KANK4: variants seen among roughly 807,000 people sequenced by gnomAD.
The protein encoded by KANK4 is KN motif and ankyrin repeat domains 4, also known as KN motif and ankyrin repeat domain-containing protein 4.
In KANK4, 50 loss-of-function variants were observed where a neutral mutation model predicts 80.8. The ratio of observed to expected loss-of-function variants is 0.62; its 90% CI spans 0.49 to 0.78. KANK4 has a LOEUF of 0.78. Ranked by LOEUF, KANK4 falls within the 30% of genes least tolerant of loss-of-function variation. The pLI is 0.00. For missense variants in KANK4, 1,196 were observed against 1,240.1 expected (o/e 0.96, Z 0.53); for synonymous variants, 465 against 506.9 (o/e 0.92, Z 1.11).
intron 3 of KANK4, chr1:62,272,785 C>CTTTTTTTTTT (rs199937101): frequency 6.9e-6 from 1 of 145,654 alleles, no homozygotes; most frequent in African/African-American, 2.8e-5. Flanking sequence ...GTACTAAAAT[C>CTTTTTTTTTT]TTTTTTTCTT....
intron 7 of KANK4, among the ~76,000 whole-genome samples, chr1:62,262,105 A>G (rs2765243): frequency 1.9e-3 from 284 of 152,332 alleles, no homozygotes; most frequent in African/African-American, 6.6e-3. Flanking sequence ...GTTGAGTCAA[A>G]TTGGTCAAAT....
At chr1:62,249,287 T>A (rs1671550879) in intron 8 of KANK4, among the ~76,000 whole-genome samples, 1 of 152,040 alleles carries the variant, frequency 6.6e-6, no homozygotes, top group South Asian at 2.1e-4. Flanking sequence ...GATTACAAAT[T>A]GACCATCATT....
chr1:62,242,002 C>T (rs577568589), intron 9 of KANK4, among the ~76,000 whole-genome samples: 1 of 152,194 alleles, frequency 6.6e-6, no homozygotes, highest in South Asian at 2.1e-4. Flanking sequence ...GCCAGAGAGA[C>T]CACTTGGCGA....
At chr1:62,254,880 ATTTT>A (rs3066333) in intron 7 of KANK4, among the ~76,000 whole-genome samples, 18 of 65,708 alleles carry the variant, frequency 2.7e-4, no homozygotes, top group Non-Finnish European at 2.7e-4. Context: ...TAAACCTGGT[ATTTT>A]TTTTTTTTTT....
intron 1 of KANK4, among the ~76,000 whole-genome samples, chr1:62,290,112 A>G (rs185619217): frequency 6.6e-6 from 1 of 152,294 alleles, no homozygotes; most frequent in Non-Finnish European, 1.5e-5. Flanking sequence ...ATAATAGTAG[A>G]AATTCAATTA....
intron 1 of KANK4, among the ~76,000 whole-genome samples, chr1:62,302,402 C>T (rs1322715054): frequency 1.3e-5 from 2 of 152,032 alleles, no homozygotes; most frequent in Non-Finnish European, 2.9e-5. Flanking sequence ...TGAATTTACT[C>T]ATTACCACTA....
At chr1:62,291,776 C>G (rs1172953380) in intron 1 of KANK4, among the ~76,000 whole-genome samples, 1 of 151,994 alleles carries the variant, frequency 6.6e-6, no homozygotes, top group Non-Finnish European at 1.5e-5. Context: ...CCTGGCTAAT[C>G]TTGTATTTTT....
At chr1:62,242,471 C>T (rs923960660) in intron 9 of KANK4, among the ~76,000 whole-genome samples, 2 of 148,072 alleles carry the variant, frequency 1.4e-5, no homozygotes, top group Non-Finnish European at 3.0e-5. Flanking sequence ...TCTTTGAATT[C>T]ATCACTAGTC....
At chr1:62,289,870 A>G (rs979156285) in intron 1 of KANK4, among the ~76,000 whole-genome samples, 3 of 152,180 alleles carry the variant, frequency 2.0e-5, no homozygotes, top group African/African-American at 7.2e-5. Flanking sequence ...GCTCCAAGTC[A>G]AGTACTAGCT....
At chr1:62,313,816 C>A (rs1018987711) in intron 1 of KANK4, among the ~76,000 whole-genome samples, 1 of 151,596 alleles carries the variant, frequency 6.6e-6, no homozygotes, top group Non-Finnish European at 1.5e-5. Context: ...TGTATACCTA[C>A]GTAACAAACC....
intron 1 of KANK4, among the ~76,000 whole-genome samples, chr1:62,294,759 T>C (rs533643157): frequency 6.6e-6 from 1 of 152,174 alleles, no homozygotes; most frequent in Non-Finnish European, 1.5e-5. Flanking sequence ...ACATGTGTGA[T>C]GTGGGTCCAG....
intron 8 of KANK4, among the ~76,000 whole-genome samples, chr1:62,251,507 G>A (rs1671616844): frequency 6.6e-6 from 1 of 152,122 alleles, no homozygotes; most frequent in African/African-American, 2.4e-5. Flanking sequence ...ACCTTTTGAG[G>A]AGTCCCCGTT....
At chr1:62,251,620 T>C (rs966617111) in intron 8 of KANK4, among the ~76,000 whole-genome samples, 2 of 152,168 alleles carry the variant, frequency 1.3e-5, no homozygotes, top group African/African-American at 4.8e-5. Flanking sequence ...ATAGAGACAT[T>C]CCAACCCTCT....
At chr1:62,310,419 G>A (rs1204981234) in intron 1 of KANK4, among the ~76,000 whole-genome samples, 1 of 152,174 alleles carries the variant, frequency 6.6e-6, no homozygotes, top group African/African-American at 2.4e-5. Flanking sequence ...AAGCAGCAGG[G>A]GCCAAAGAAA....
At chr1:62,300,943 GC>G (rs1035974148) in intron 1 of KANK4, among the ~76,000 whole-genome samples, 59 of 152,120 alleles carry the variant, frequency 3.9e-4, no homozygotes, top group African/African-American at 1.3e-3. Flanking sequence ...GAGAACAGAA[GC>G]TTTTCTTCTC....
chr1:62,260,382 ATC>A (rs1671856233), intron 7 of KANK4, among the ~76,000 whole-genome samples: 1 of 147,882 alleles, frequency 6.8e-6, no homozygotes, highest in African/African-American at 2.5e-5. Flanking sequence ...CTCCCTCTCC[ATC>A]TCTCTCTTTG....
intron 7 of KANK4, among the ~76,000 whole-genome samples, chr1:62,254,598 G>A (rs961413648): frequency 1.3e-5 from 2 of 151,440 alleles, no homozygotes; most frequent in African/African-American, 4.9e-5. Flanking sequence ...CTGTCGCCCA[G>A]GCTGGAGTAC....
intron 1 of KANK4, among the ~76,000 whole-genome samples, chr1:62,316,432 G>A (rs1644540965): frequency 6.6e-6 from 1 of 152,228 alleles, no homozygotes; most frequent in Non-Finnish European, 1.5e-5. Context: ...AAAAGAGGCT[G>A]CTTGGCTAAG....
chr1:62,271,658 A>G, intron 3 of KANK4, 69 bp from the exon 4 acceptor site: 2 of 1,185,360 alleles, frequency 1.7e-6, no homozygotes, highest in Non-Finnish European at 2.5e-6. Flanking sequence ...AAACCAGGAT[A>G]TTGCTTTGAG....
Sources: allele counts gnomAD v4.1 joint callset (sites outside exome capture counted in the v4.1 genomes callset), GRCh38; gene constraint gnomAD v4.1.1; transcripts MANE v1.5; gene names NCBI Gene and HGNC (gene_info 2026-07-23, HGNC 2026-07-21).